B4GALNT3: variants seen among roughly 807,000 people sequenced by gnomAD.
B4GALNT3 encodes beta-1,4-N-acetyl-galactosaminyltransferase 3.
A neutral mutation model predicts 120.2 loss-of-function variants in B4GALNT3; 86 were observed. The observed-to-expected ratio is 0.72, with a 90% CI of 0.60 to 0.86. B4GALNT3 has a LOEUF of 0.86. B4GALNT3 is among the 40% of genes least tolerant of loss of function. The probability of loss-of-function intolerance (pLI) is 0.00; values close to 1 mark genes in which losing one functional copy is unlikely to be tolerated. For synonymous variants in B4GALNT3, 518 were observed against 510.4 expected (o/e 1.01, Z -0.20); for missense variants, 1,167 against 1,298.9 (o/e 0.90, Z 1.56).
chr12:544,829 A>C, intron 4 of B4GALNT3, 53 bp from the exon 5 acceptor site: 3 of 1,559,738 alleles, frequency 1.9e-6, no homozygotes, highest in Non-Finnish European at 2.6e-6. Flanking sequence ...CCTGGCGGGA[A>C]GTTTCCTTTT....
At chr12:512,420 TTCC>T (rs1448478684) in intron 1 of B4GALNT3, among the ~76,000 whole-genome samples, 5 of 124,582 alleles carry the variant, frequency 4.0e-5, no homozygotes, top group African/African-American at 1.3e-4. Context: ...ACCTTCCGCC[TTCC>T]GCCTTCCGCC....
At chr12:543,616 G>A (rs75149992) in intron 3 of B4GALNT3, among the ~76,000 whole-genome samples, 11 of 89,284 alleles carry the variant, frequency 1.2e-4, no homozygotes, top group South Asian at 4.3e-4. Context: ...AGGAGCTGGG[G>A]CGGGCATGGG....
chr12:561,573 T>C lies in B4GALNT3; in HGVS notation c.*122T>C. The stretch of plus-strand genomic sequence containing the variant: ...GCTGGACCCCAAGAGGCCTCGAAGC[T>C]GACGGCCCACTCCACCTGGAGCTGT... On this transcript the variant is annotated 3_prime_UTR_variant, in exon 20 of 20. Coordinates refer to ENST00000266383, the MANE Select transcript of B4GALNT3 (RefSeq NM_173593.4). 1 of 742,436 alleles carries C rather than the reference T, an allele frequency of 1.3e-6. No homozygotes were observed. Among genetic ancestry groups the C allele is most frequent in the East Asian group, 2.7e-5 (1 of 36,732 alleles). The allele number at this position is 742,436 out of a possible 1,614,324, so 46.0% of individuals were successfully genotyped here.
intron 1 of B4GALNT3, among the ~76,000 whole-genome samples, chr12:480,366 T>A (rs984778631): frequency 8.3e-5 from 5 of 60,484 alleles, no homozygotes; most frequent in African/African-American, 1.9e-4. Context: ...GCTCTGTGAC[T>A]TTGAGCAGGT....
chr12:471,009 G>A (rs11063124), intron 1 of B4GALNT3, among the ~76,000 whole-genome samples: 4,600 of 151,998 alleles, frequency 0.03, 98 homozygotes, highest in South Asian at 0.078. Flanking sequence ...GATTACAGGC[G>A]TGAGCCACCG....
At chr12:558,909 CACTT>C (rs1025564623) in intron 18 of B4GALNT3, among the ~76,000 whole-genome samples, 1 of 151,694 alleles carries the variant, frequency 6.6e-6, no homozygotes, top group Non-Finnish European at 1.5e-5. Context: ...ATTCATCACA[CACTT>C]ACTAAGCACT....
rs1217661159 is a variant in B4GALNT3, at chr12:514,352, C to T, written c.170-20814C>T. Among the ~76,000 whole-genome samples, 6 of 152,112 alleles carry T rather than the reference C, an allele frequency of 3.9e-5. No homozygotes were observed. In the East Asian group the frequency reaches 7.7e-4, roughly 20 times the overall value. On this transcript the variant is annotated intron_variant, in intron 1 of 19. Coordinates refer to ENST00000266383, the MANE Select transcript of B4GALNT3 (RefSeq NM_173593.4). ...AGCTGGGACTACAGGTGCCCGCCAC[C>T]ACGCCTGGCTAATTTTTTGTATTTT...
At chr12:501,964 T>C (rs1946448238) in intron 1 of B4GALNT3, among the ~76,000 whole-genome samples, 3 of 152,216 alleles carry the variant, frequency 2.0e-5, no homozygotes, top group Non-Finnish European at 4.4e-5. Context: ...TGAGTGGGCC[T>C]GGGCCAGCTG....
At chr12:531,095 C>T (rs1311969116) in intron 1 of B4GALNT3, among the ~76,000 whole-genome samples, 2 of 152,202 alleles carry the variant, frequency 1.3e-5, no homozygotes, top group Non-Finnish European at 2.9e-5. Flanking sequence ...CATTTTTCAG[C>T]TCCACATTCC....
intron 1 of B4GALNT3, among the ~76,000 whole-genome samples, chr12:509,549 G>A (rs529387138): frequency 6.6e-6 from 1 of 152,300 alleles, no homozygotes; most frequent in South Asian, 2.1e-4. Context: ...CCTAAATCAG[G>A]TCTCTGCTCC....
rs1211721907 is a variant in B4GALNT3, at chr12:552,152, C to T, written c.1197C>T (p.Tyr399=). 5 of 1,608,038 alleles carry T rather than the reference C, an allele frequency of 3.1e-6. No homozygotes were observed. Among genetic ancestry groups the T allele is most frequent in the Non-Finnish European group, 4.3e-6 (5 of 1,174,606 alleles). ...AATGTTTCTACCAGGAAAACGCCTA[C>T]TACCAAGACCGGTGAGAGACACTGA... The part of the protein sequence containing the change: ...HNKCFYQENA[Y]YQDRFSFQEY... Residue 399 remains tyrosine, a synonymous_variant, in exon 12 of 20, where the codon TAC becomes TAT. Coordinates refer to ENST00000266383, the MANE Select transcript of B4GALNT3 (RefSeq NM_173593.4).
At position 536,295 on chromosome 12, in the gene B4GALNT3, G is replaced by A. The variant is rs199595336; in HGVS notation, c.351G>A (p.Glu117=). 6.2e-7 allele frequency: 1 copy of A among 1,610,562 alleles called. No individual in the cohort carries two copies. The highest frequency in any genetic ancestry group is 8.5e-7 in the Non-Finnish European group (1 of 1,176,788). ...ACAAGCCTGTCCCCTGGCTCTCAGA[G>A]GTGAGGGACTTTCTATTGTACCTGC... ...KWNKPVPWLS[E]FRGRANLHVF... The change falls in exon 3 of 20, where the codon GAG becomes GAA. Residue 117 remains glutamate (E), a splice_region_variant and synonymous_variant. Coordinates refer to ENST00000266383, the MANE Select transcript of B4GALNT3 (RefSeq NM_173593.4).
intron 1 of B4GALNT3, among the ~76,000 whole-genome samples, chr12:527,069 G>A (rs1181154320): frequency 6.6e-6 from 1 of 151,992 alleles, no homozygotes; most frequent in East Asian, 1.9e-4. Flanking sequence ...GCACCACCAC[G>A]CCCAGCTAGT....
At chr12:470,885 T>A (rs1325087269) in intron 1 of B4GALNT3, among the ~76,000 whole-genome samples, 2 of 151,988 alleles carry the variant, frequency 1.3e-5, no homozygotes, top group Non-Finnish European at 2.9e-5. Flanking sequence ...ATTACAGGCA[T>A]GTGTCACCAT....
intron 1 of B4GALNT3, among the ~76,000 whole-genome samples, chr12:467,835 T>C (rs755315775): frequency 2.0e-5 from 3 of 152,212 alleles, no homozygotes; most frequent in Non-Finnish European, 4.4e-5. Context: ...AACATGTTTC[T>C]TCTGGTCTTG....
intron 9 of B4GALNT3, among the ~76,000 whole-genome samples, chr12:549,056 A>G (rs1188271402): frequency 6.6e-6 from 1 of 152,138 alleles, no homozygotes; most frequent in African/African-American, 2.4e-5. Context: ...TCTTTCTTCA[A>G]TGGCATTTTC....
Position 550,780 on chromosome 12 carries a change from CAGCTGGCAGCCTCA to C in B4GALNT3, c.998-141_998-128del. 3.0e-6 allele frequency: 2 copies of C among 670,014 alleles called. No homozygotes were observed. The highest frequency in any genetic ancestry group is 5.1e-6 in the Non-Finnish European group (2 of 392,256). The allele number at this position is 670,014 out of a possible 1,614,324, so 41.5% of individuals were successfully genotyped here. A position where few individuals can be genotyped will look rare whatever the true frequency, so the allele number is the denominator to read the frequency against. On this transcript the variant is annotated intron_variant, in intron 10 of 19. Coordinates refer to ENST00000266383, the MANE Select transcript of B4GALNT3 (RefSeq NM_173593.4). The surrounding 1 kb of genome is among the most constrained non-coding windows in gnomAD (Gnocchi z 4.1). The stretch of plus-strand genomic sequence containing the variant: ...TGCTCCAGGTGCGTGGGGCAGCCTC[CAGCTGGCAGCCTCA>C]GCCACAGACGTCGGCAGAACACAGC...
chr12:536,616 G>A (rs1036455207), intron 3 of B4GALNT3, among the ~76,000 whole-genome samples: 1 of 152,196 alleles, frequency 6.6e-6, no homozygotes, highest in Admixed American at 6.5e-5. Context: ...CTGACTAGCT[G>A]GGATTACAGG....
intron 19 of B4GALNT3, among the ~76,000 whole-genome samples, chr12:560,845 T>C (rs910189905): frequency 6.6e-6 from 1 of 152,218 alleles, no homozygotes; most frequent in East Asian, 1.9e-4. Context: ...AGGGACACCC[T>C]GCAGGCTGCA....
Sources: allele counts gnomAD v4.1 joint callset (sites outside exome capture counted in the v4.1 genomes callset), GRCh38; gene constraint gnomAD v4.1.1; non-coding constraint Gnocchi (gnomAD v3.1); transcripts MANE v1.5; gene names NCBI Gene and HGNC (gene_info 2026-07-23, HGNC 2026-07-21).